SOD1: variants seen among roughly 807,000 people sequenced by gnomAD.
SOD1 encodes superoxide dismutase 1, also known as superoxide dismutase [Cu-Zn].
SOD1 carries 8 observed loss-of-function variants against 15.9 expected under a neutral mutation model. That is an observed-to-expected ratio of 0.50 (90% CI 0.30 to 0.91). The LOEUF is 0.91. Among genes scored for constraint, SOD1 ranks in the 40% least tolerant of loss-of-function variants. SOD1 has a pLI of 0.07. For synonymous variants in SOD1, 86 were observed against 71.2 expected (o/e 1.21, Z -1.04); for missense variants, 137 against 194.5 (o/e 0.70, Z 1.76).
At chr21:31,661,074 C>A (rs1755690289) in intron 1 of SOD1, among the ~76,000 whole-genome samples, 1 of 152,122 alleles carries the variant, frequency 6.6e-6, no homozygotes, top group African/African-American at 2.4e-5. Context: ...GTGAAGTTAC[C>A]AACTGGTGGA....
chr21:31,665,008 A>AGGGT (rs1353905701), intron 2 of SOD1, among the ~76,000 whole-genome samples: 1 of 152,120 alleles, frequency 6.6e-6, no homozygotes, highest in Non-Finnish European at 1.5e-5. Context: ...CTGGGGGTTG[A>AGGGT]GGGTGGGTGC....
intron 1 of SOD1, among the ~76,000 whole-genome samples, chr21:31,662,913 G>T (rs1414424682): frequency 6.6e-6 from 1 of 152,072 alleles, no homozygotes; most frequent in Non-Finnish European, 1.5e-5. Context: ...TACTCAGGAG[G>T]CTGAGGCAGG....
At chr21:31,667,437 A>G in intron 4 of SOD1, 62 bp downstream of exon 4, 1 of 1,186,422 alleles carries the variant, frequency 8.4e-7, no homozygotes, top group Non-Finnish European at 1.3e-6. Flanking sequence ...GTATCTTTTC[A>G]CTTTGATTGT....
chr21:31,665,760 A>G (rs2049587343), intron 2 of SOD1, among the ~76,000 whole-genome samples: 1 of 152,236 alleles, frequency 6.6e-6, no homozygotes, highest in Non-Finnish European at 1.5e-5. Flanking sequence ...TAAAGGGCAC[A>G]GATAGAACTG....
At chr21:31,665,466 C>T (rs573230165) in intron 2 of SOD1, among the ~76,000 whole-genome samples, 1 of 152,228 alleles carries the variant, frequency 6.6e-6, no homozygotes, top group African/African-American at 2.4e-5. Context: ...TGCTTTTTGG[C>T]TTTACCGCCT....
At chr21:31,663,192 G>C (rs535846352) in intron 1 of SOD1, among the ~76,000 whole-genome samples, 2 of 150,284 alleles carry the variant, frequency 1.3e-5, no homozygotes, top group South Asian at 4.2e-4. Context: ...AAAAAGCAAG[G>C]GGCTCCAGAG....
Position 31,663,873 on chromosome 21 carries a change from A to G in SOD1, c.156A>G (p.Gly52=). The stretch of plus-strand genomic sequence containing the variant: ...ATGGATTCCATGTTCATGAGTTTGG[A>G]GATAATACAGCAGGTGGGTGTTGTG... ...GLHGFHVHEF[G]DNTAGCTSAG... The change falls in exon 2 of 5, where the codon GGA becomes GGG. Residue 52 remains glycine (G), a synonymous_variant. Transcript: ENST00000270142. 1 of 1,612,782 alleles carries G rather than the reference A, an allele frequency of 6.2e-7. No homozygotes were observed. Among genetic ancestry groups the G allele is most frequent in the Non-Finnish European group, 8.5e-7 (1 of 1,178,852 alleles).
At chr21:31,667,011 A>AT in intron 3 of SOD1, 2 of 549,702 alleles carry the variant, frequency 3.6e-6, no homozygotes, top group Non-Finnish European at 6.5e-6. Context: ...TATGCCAGTA[A>AT]TTAACAGGCA....
chr21:31,663,712 C>T (rs531001639), intron 1 of SOD1, 78 bp from the exon 2 acceptor site: 1 of 1,163,576 alleles, frequency 8.6e-7, no homozygotes, highest in East Asian at 2.5e-5. Flanking sequence ...CTGCTTTTTA[C>T]TTCACTGTGA....
chr21:31,665,331 C>A (rs1176162833), intron 2 of SOD1, among the ~76,000 whole-genome samples: 1 of 152,138 alleles, frequency 6.6e-6, no homozygotes, highest in African/African-American at 2.4e-5. Flanking sequence ...GAGTAATAAT[C>A]TGATTTTTTT....
intron 1 of SOD1, among the ~76,000 whole-genome samples, chr21:31,663,460 A>G (rs1050297915): frequency 3.3e-5 from 5 of 152,250 alleles, no homozygotes; most frequent in African/African-American, 7.2e-5. Context: ...GTCAAAGCCT[A>G]TGAAGTATCT....
At chr21:31,662,621 G>A (rs1018760006) in intron 1 of SOD1, among the ~76,000 whole-genome samples, 1 of 152,174 alleles carries the variant, frequency 6.6e-6, no homozygotes, top group Non-Finnish European at 1.5e-5. Context: ...AGGTTTCAGT[G>A]CTTGAAAAGA....
At chr21:31,666,848 T>C (rs958858041) in intron 3 of SOD1, 3 of 411,108 alleles carry the variant, frequency 7.3e-6, no homozygotes, top group African/African-American at 4.0e-5. Context: ...TTGTGAAACA[T>C]AGGAAGCTTC....
Position 31,668,791 on chromosome 21 carries a change from T to C in SOD1, c.*213T>C. The C allele has an allele frequency of 3.7e-6, 2 of 544,572 alleles. No individual in the cohort carries two copies. Among genetic ancestry groups the C allele is most frequent in the South Asian group, 4.1e-5 (2 of 48,772 alleles). 33.7% of individuals were successfully genotyped at this position (544,572 alleles called of 1,614,324 possible). On this transcript the variant is annotated 3_prime_UTR_variant, in exon 5 of 5. Transcript: ENST00000270142. ...ATAAAACTCAGTTAAAATGTCTGTT[T>C]CAATGACCTGTATTTTGCCAGACTT...
chr21:31,668,390 C>A, intron 4 of SOD1, 81 bp from the exon 5 acceptor site: 1 of 890,020 alleles, frequency 1.1e-6, no homozygotes, highest in Non-Finnish European at 1.9e-6. Flanking sequence ...TTATGAGGTT[C>A]TTAAACATCT....
chr21:31,668,707 T>C lies in SOD1; in HGVS notation c.*129T>C. On this transcript the variant is annotated 3_prime_UTR_variant, in exon 5 of 5. Transcript: ENST00000270142. ...AATTGTGTGACTTTTTCAGAGTTGC[T>C]TTAAAGTACCTGTAGTGAGAAACTG... 2.7e-6 allele frequency: 2 copies of C among 748,636 alleles called. No homozygotes were observed. The highest frequency in any genetic ancestry group is 3.0e-5 in the South Asian group (2 of 67,236). 46.4% of individuals were successfully genotyped at this position (748,636 alleles called of 1,614,324 possible). A position where few individuals can be genotyped will look rare whatever the true frequency, so the allele number is the denominator to read the frequency against.
chr21:31,665,620 T>A (rs1038823473), intron 2 of SOD1, among the ~76,000 whole-genome samples: 2 of 152,170 alleles, frequency 1.3e-5, no homozygotes, highest in Non-Finnish European at 2.9e-5. Context: ...GCTCTGTGAA[T>A]GTCATCCCCT....
intron 3 of SOD1, chr21:31,667,041 T>A (rs1428686988): frequency 3.4e-6 from 2 of 595,914 alleles, no homozygotes; most frequent in African/African-American, 3.7e-5. Flanking sequence ...AACTGAGAGT[T>A]TACCCTTTGG....
chr21:31,660,071 G>T (rs2041607143), intron 1 of SOD1: 4 of 226,946 alleles, frequency 1.8e-5, no homozygotes, highest in Non-Finnish European at 3.4e-5. Context: ...CCGCCGCGGG[G>T]CTGGGCCTGC....
Sources: gnomAD v4.1 joint callset for allele counts (sites outside exome capture counted in the v4.1 genomes callset) on GRCh38, gnomAD v4.1.1 for gene constraint, MANE v1.5 for transcripts, NCBI Gene and HGNC (gene_info 2026-07-23, HGNC 2026-07-21) for gene names.